The following CDH13 variants were observed in gnomAD, a reference collection of about 807,000 sequenced individuals.
CDH13 encodes the protein cadherin-13.
CDH13 carries 24 observed loss-of-function variants against 63.8 expected under a neutral mutation model. The observed-to-expected ratio is 0.38, with a 90% CI of 0.27 to 0.53. The LOEUF (loss-of-function observed/expected upper bound fraction) is 0.53, where lower values mean the gene tolerates loss of function less well. Ranked by LOEUF, CDH13 falls within the 20% of genes least tolerant of loss-of-function variation. CDH13 has a pLI of 0.85. For synonymous variants in CDH13, 503 were observed against 355.3 expected, an observed-to-expected ratio of 1.42 and a Z score of -4.67; for missense variants, 1,049 against 903.1, an observed-to-expected ratio of 1.16 and a Z score of -2.07.
intron 8 of CDH13, among the ~76,000 whole-genome samples, chr16:83,603,712 A>AC (rs1469746911): frequency 6.6e-6 from 1 of 151,976 alleles, no homozygotes; most frequent in Non-Finnish European, 1.5e-5. Context: ...GATCCTCTCA[A>AC]CCCCCGAGTT....
Position 82,941,718 on chromosome 16 carries a change from T to C in CDH13, c.157+83245T>C, listed in dbSNP as rs370152498. On this transcript the variant is annotated intron_variant, in intron 2 of 13. Coordinates refer to ENST00000567109, the MANE Select transcript of CDH13 (RefSeq NM_001257.5). ...CTCTATCTCTAACCACCTCCGAGTT[T>C]TCTTTTTCCATCCCTGTTCCCATCT... 1.3e-3 allele frequency among the ~76,000 whole-genome samples: 195 copies of C among 152,294 alleles called. 1 individual carries two copies. The highest frequency in any genetic ancestry group is 4.4e-3 in the African/African-American group (182 of 41,570).
chr16:83,393,378 A>T (rs1424408655), intron 6 of CDH13, among the ~76,000 whole-genome samples: 1 of 152,192 alleles, frequency 6.6e-6, no homozygotes, highest in African/African-American at 2.4e-5. Context: ...GTTTATGATG[A>T]TGGATGACTG....
At chr16:82,634,599 C>A (rs1908422896) in intron 1 of CDH13, among the ~76,000 whole-genome samples, 1 of 152,208 alleles carries the variant, frequency 6.6e-6, no homozygotes, top group Admixed American at 6.5e-5. Context: ...CACACCTATT[C>A]ATTTATGTAA....
intron 6 of CDH13, among the ~76,000 whole-genome samples, chr16:83,438,683 C>T (rs772131851): frequency 1.9e-4 from 29 of 152,342 alleles, no homozygotes; most frequent in South Asian, 2.1e-4. Flanking sequence ...TACGTTCTTT[C>T]CCACAAATCC....
At chr16:82,953,747 T>C (rs1481749492) in intron 2 of CDH13, 1 of 152,198 alleles carries the variant, frequency 6.6e-6, no homozygotes, top group African/African-American at 2.4e-5. Context: ...CAATACCAGC[T>C]TGGCATGTCT....
At chr16:83,325,546 C>T (rs2090341299) in intron 5 of CDH13, among the ~76,000 whole-genome samples, 1 of 152,160 alleles carries the variant, frequency 6.6e-6, no homozygotes, top group South Asian at 2.1e-4. Flanking sequence ...ACGAGAGAAG[C>T]CGTAGACAGT....
intron 7 of CDH13, among the ~76,000 whole-genome samples, chr16:83,555,600 A>T (rs2075585011): frequency 2.6e-5 from 4 of 152,220 alleles, no homozygotes. Flanking sequence ...TTAAAACATG[A>T]TGTGTGATAC....
rs1050643278 is a variant in CDH13 at position 83,009,395 on chromosome 16, T to A, written c.158-22615T>A. ...CAGTGAACTGTGGTTGAGTTTGTTA[T>A]TTTAATGAAATTACACTTGCAACTA... is the stretch of plus-strand genomic sequence containing the variant. On this transcript the variant is annotated intron_variant, in intron 2 of 13. Transcript: ENST00000567109. 2.6e-5 allele frequency among the ~76,000 whole-genome samples: 4 copies of A among 152,252 alleles called. 1 individual carries two copies. The highest frequency in any genetic ancestry group is 1.3e-4 in the Admixed American group (2 of 15,284).
At chr16:82,841,192 C>T (rs920499438) in intron 1 of CDH13, among the ~76,000 whole-genome samples, 11 of 152,130 alleles carry the variant, frequency 7.2e-5, no homozygotes, top group South Asian at 4.1e-4. Context: ...TCCAGATGCT[C>T]GGTGAAAATC....
At chr16:82,999,468 C>T (rs571046588) in intron 2 of CDH13, among the ~76,000 whole-genome samples, 24 of 151,850 alleles carry the variant, frequency 1.6e-4, no homozygotes, top group Non-Finnish European at 3.2e-4. Flanking sequence ...ATAGATATGC[C>T]CTTACATCAA....
chr16:82,792,559 C>G (rs1445413090), intron 1 of CDH13, among the ~76,000 whole-genome samples: 2 of 152,080 alleles, frequency 1.3e-5, no homozygotes, highest in Admixed American at 1.3e-4. Context: ...TTAGTTGCCC[C>G]TCTAGACTAT....
rs111801056 is a variant in CDH13, at chr16:82,643,786, A to C, written c.45+16649A>C. ...AAGACAGGGTCTTTCTCTGTTGCCC[A>C]GGCTGGATTGCAGTGGTGCAATCAT... On this transcript the variant is annotated intron_variant, in intron 1 of 13. Coordinates refer to ENST00000567109, the MANE Select transcript of CDH13 (RefSeq NM_001257.5). Among the ~76,000 whole-genome samples the C allele has an allele frequency of 7.7e-3, 1,171 of 152,292 alleles. 11 individuals carry two copies. Among genetic ancestry groups the C allele is most frequent in the African/African-American group, 0.026 (1,098 of 41,566 alleles).
intron 6 of CDH13, among the ~76,000 whole-genome samples, chr16:83,450,492 T>C (rs1011893545): frequency 6.6e-6 from 1 of 152,222 alleles, no homozygotes; most frequent in Non-Finnish European, 1.5e-5. Context: ...GGATTTTGTA[T>C]GCTTTATAGG....
chr16:83,508,970 C>A (rs946850123), intron 7 of CDH13, among the ~76,000 whole-genome samples: 8 of 152,190 alleles, frequency 5.3e-5, no homozygotes, highest in Non-Finnish European at 7.3e-5. Context: ...TAGGTGTGTA[C>A]ATGCCATCAC....
intron 1 of CDH13, among the ~76,000 whole-genome samples, chr16:82,750,594 A>G (rs1452134904): frequency 6.6e-6 from 1 of 152,230 alleles, no homozygotes; most frequent in African/African-American, 2.4e-5. Flanking sequence ...TTTGTTCACC[A>G]TTCTCTTAAA....
rs780091753 is a variant in CDH13, at chr16:83,678,286, T to C, written c.1363T>C (p.Ser455Pro). 1.1e-5 allele frequency: 17 copies of C among 1,613,840 alleles called. No individual in the cohort carries two copies. Reference protein sequence around the residue: ...ENEDPLVPDVSYGPSSTATVH... With the variant: ...ENEDPLVPDVPYGPSSTATVH... ...TGAAGACCCACTCGTACCCGACGTC[T>C]CCTACGGCCCCAGCTCCACAGCCAC... The change falls in exon 10 of 14, where the codon TCC (serine) becomes CCC (proline). Residue 455 changes from serine to proline, a missense_variant. Physicochemically the swap from Ser to Pro is moderately conservative, Grantham distance 74 (BLOSUM62 -1). Transcript: ENST00000567109.
At chr16:83,163,478 A>G (rs949210621) in intron 4 of CDH13, among the ~76,000 whole-genome samples, 3 of 152,124 alleles carry the variant, frequency 2.0e-5, no homozygotes, top group South Asian at 2.1e-4. Context: ...CCAGACGCTC[A>G]TCACCTTGTT....
At chr16:82,717,670 C>T (rs1279669458) in intron 1 of CDH13, among the ~76,000 whole-genome samples, 1 of 152,172 alleles carries the variant, frequency 6.6e-6, no homozygotes, top group Non-Finnish European at 1.5e-5. Context: ...CTGCCCCCCT[C>T]TTATGAAGGA....
intron 1 of CDH13, among the ~76,000 whole-genome samples, chr16:82,692,399 G>A (rs1214628113): frequency 6.6e-6 from 1 of 152,196 alleles, no homozygotes; most frequent in African/African-American, 2.4e-5. Flanking sequence ...CAATCATGGT[G>A]GAAGGCGAAA....
Sources: allele counts gnomAD v4.1 joint callset (sites outside exome capture counted in the v4.1 genomes callset), GRCh38; gene constraint gnomAD v4.1.1; transcripts MANE v1.5; gene names NCBI Gene and HGNC (gene_info 2026-07-23, HGNC 2026-07-21).